The following KLF17 variants were observed in gnomAD, a reference collection of about 807,000 sequenced individuals.
KLF17 encodes the protein Krueppel-like factor 17.
Under a neutral mutation model 34.2 loss-of-function variants are expected in KLF17, and 31 were observed. The ratio of observed to expected loss-of-function variants is 0.91; its 90% CI spans 0.68 to 1.22. The LOEUF (loss-of-function observed/expected upper bound fraction) is 1.22. KLF17 is among the 50% of genes most tolerant of loss of function. The probability of loss-of-function intolerance (pLI) is 0.00; values close to 1 mark genes in which losing one functional copy is unlikely to be tolerated. For missense variants in KLF17, 478 were observed against 505.2 expected (o/e 0.95, Z 0.52); for synonymous variants, 179 against 186.7 (o/e 0.96, Z 0.34).
chr1:44,087,559 C>T, the KLF17 span, among the ~76,000 whole-genome samples: 7 of 150,998 alleles, frequency 4.6e-5, no homozygotes, highest in Non-Finnish European at 7.4e-5. Flanking sequence ...CCACCACACC[C>T]GACTATTTTC....
At chr1:44,102,965 A>T in the KLF17 span, among the ~76,000 whole-genome samples, 1 of 152,234 alleles carries the variant, frequency 6.6e-6, no homozygotes, top group African/African-American at 2.4e-5. Context: ...TGAGAAAAAT[A>T]ATTTGAGCTC....
chr1:44,130,841 G>A, intron 3 of KLF17, 85 bp downstream of exon 3: 1 of 1,378,342 alleles, frequency 7.3e-7, no homozygotes, highest in East Asian at 2.4e-5. Context: ...CTGTCTCCCA[G>A]GCTGGAGTGC....
At chr1:44,052,542 C>T in the KLF17 span, among the ~76,000 whole-genome samples, 639 of 152,372 alleles carry the variant, frequency 4.2e-3, 5 homozygotes, top group African/African-American at 0.015. Flanking sequence ...TTTAGTCTCT[C>T]TCTGCCTAAC....
chr1:44,120,680 C>G (rs1182401580), intron 1 of KLF17, among the ~76,000 whole-genome samples: 1 of 152,108 alleles, frequency 6.6e-6, no homozygotes, highest in Admixed American at 6.5e-5. Context: ...CTTAATTTGC[C>G]ATGAAGGACT....
At chr1:44,102,867 C>T in the KLF17 span, among the ~76,000 whole-genome samples, 3 of 151,676 alleles carry the variant, frequency 2.0e-5, no homozygotes, top group Non-Finnish European at 2.9e-5. Flanking sequence ...AAAAATGTTG[C>T]TTGATATCTT....
the KLF17 span, among the ~76,000 whole-genome samples, chr1:44,110,118 G>T: frequency 6.6e-6 from 1 of 151,892 alleles, no homozygotes; most frequent in Non-Finnish European, 1.5e-5. Flanking sequence ...TGTTGGCCAG[G>T]CTGGTCTCAA....
chr1:44,103,361 G>C, the KLF17 span: 1 of 749,560 alleles, frequency 1.3e-6, no homozygotes, highest in East Asian at 2.5e-5. Context: ...CCGGCTTCCC[G>C]TTGCAGGTCT....
intron 1 of KLF17, among the ~76,000 whole-genome samples, chr1:44,121,406 C>A (rs577067402): frequency 2.2e-4 from 33 of 152,348 alleles, no homozygotes; most frequent in African/African-American, 7.7e-4. Context: ...TGAGCCGCCA[C>A]GCCCAGCCGA....
chr1:44,122,178 C>T (rs1293079491), intron 1 of KLF17: 1 of 1,592,514 alleles, frequency 6.3e-7, no homozygotes, highest in East Asian at 2.2e-5. Context: ...CCCTCTTCCT[C>T]TGCCACGGCC....
chr1:44,108,694 T>G, the KLF17 span, among the ~76,000 whole-genome samples: 2 of 107,794 alleles, frequency 1.9e-5, no homozygotes, highest in East Asian at 4.6e-4. Context: ...TGACAAAGTT[T>G]CCCTCGTGTT....
the KLF17 span, among the ~76,000 whole-genome samples, chr1:44,072,299 T>G: frequency 1.3e-5 from 2 of 152,074 alleles, no homozygotes; most frequent in Non-Finnish European, 2.9e-5. Context: ...GAAATGCCCC[T>G]TAGAAATCCA....
intron 1 of KLF17, among the ~76,000 whole-genome samples, chr1:44,127,539 TTCC>T (rs1170986492): frequency 6.7e-6 from 1 of 149,430 alleles, no homozygotes; most frequent in African/African-American, 2.4e-5. Context: ...CCTTCCCTCC[TTCC>T]TTCCTTCCTT....
At chr1:44,108,583 T>C in the KLF17 span, among the ~76,000 whole-genome samples, 1 of 150,906 alleles carries the variant, frequency 6.6e-6, no homozygotes, top group Non-Finnish European at 1.5e-5. Flanking sequence ...GTTTGACCAC[T>C]GGTGATCTCT....
At chr1:44,080,968 G>A in the KLF17 span, among the ~76,000 whole-genome samples, 2 of 151,598 alleles carry the variant, frequency 1.3e-5, no homozygotes, top group African/African-American at 4.8e-5. Flanking sequence ...ACCCACCTTG[G>A]TCTGCCACAG....
At chr1:44,092,032 TAA>T in the KLF17 span, among the ~76,000 whole-genome samples, 269 of 125,346 alleles carry the variant, frequency 2.1e-3, no homozygotes, top group African/African-American at 7.1e-3. Flanking sequence ...ACTACTGCAT[TAA>T]AAAAAAAAAA....
At chr1:44,049,086 T>C in the KLF17 span, among the ~76,000 whole-genome samples, 1 of 151,978 alleles carries the variant, frequency 6.6e-6, no homozygotes, top group South Asian at 2.1e-4. Flanking sequence ...GCTGGCGGGG[T>C]TGGGTTCTGG....
At chr1:44,096,424 A>T in the KLF17 span, among the ~76,000 whole-genome samples, 1 of 133,048 alleles carries the variant, frequency 7.5e-6, no homozygotes, top group Non-Finnish European at 1.6e-5. Context: ...TTTGAGAGGG[A>T]GTCTCGCTCT....
At chr1:44,093,544 G>A in the KLF17 span, among the ~76,000 whole-genome samples, 15 of 152,232 alleles carry the variant, frequency 9.9e-5, no homozygotes, top group African/African-American at 3.4e-4. Context: ...ACAGGCATTT[G>A]CCACCACATC....
intron 1 of KLF17, among the ~76,000 whole-genome samples, chr1:44,119,944 A>G (rs7513563): frequency 0.2 from 29,813 of 152,152 alleles, 3,378 homozygotes; most frequent in East Asian, 0.37. Context: ...CCAGGTGAGA[A>G]TTCAAATGGC....
Sources: allele counts gnomAD v4.1 joint callset (sites outside exome capture counted in the v4.1 genomes callset), GRCh38; gene constraint gnomAD v4.1.1; transcripts MANE v1.5; gene names NCBI Gene and HGNC (gene_info 2026-07-23, HGNC 2026-07-21).